KAT7: variants seen among roughly 807,000 people sequenced by gnomAD.
KAT7 encodes the protein lysine acetyltransferase 7.
A neutral mutation model predicts 82.1 loss-of-function variants in KAT7; 10 were observed. The observed-to-expected ratio is 0.12, with a 90% CI of 0.08 to 0.21. The LOEUF is 0.21. KAT7 is among the 10% of genes least tolerant of loss of function. KAT7 has a pLI of 1.00. For missense variants in KAT7, 378 were observed against 760.9 expected, an observed-to-expected ratio of 0.50 and a Z score of 5.92; for synonymous variants, 250 against 262.5, an observed-to-expected ratio of 0.95 and a Z score of 0.46.
At position 49,829,396 on chromosome 17, in the gene KAT7, A is replaced by C. The variant is rs927225049; in HGVS notation, c.*1894A>C. On this transcript the variant is annotated 3_prime_UTR_variant, in exon 15 of 15. Transcript: ENST00000259021. Reference sequence around the variant, plus strand: ...ATTCTTTCACTAAGTGCCATTTTCCACTGATTTTAGGGGCAAAGGAACCAA... The same window carrying C: ...ATTCTTTCACTAAGTGCCATTTTCCCCTGATTTTAGGGGCAAAGGAACCAA... The C allele has an allele frequency of 6.6e-5, 10 of 152,264 alleles. No homozygotes were observed. The highest frequency in any genetic ancestry group is 5.2e-4 in the Admixed American group (8 of 15,292). 9.4% of individuals were successfully genotyped at this position (152,264 alleles called of 1,614,324 possible).
chr17:49,791,865 T>C, intron 1 of KAT7, 21 bp from the exon 2 acceptor site: 2 of 1,612,294 alleles, frequency 1.2e-6, no homozygotes, highest in South Asian at 2.2e-5. Context: ...TGTGCTAATA[T>C]CTGGATCTAT....
Position 49,788,807 on chromosome 17 carries a change from C to T in KAT7, c.-28C>T. On this transcript the variant is annotated 5_prime_UTR_variant, in exon 1 of 15. Transcript: ENST00000259021. ...CTGCTGCTGCCGCCGCTGCCCGAATCGGAACCGTCGGGCCGCAGCCGCCGG... is the reference window on the plus strand; with the variant it reads ...CTGCTGCTGCCGCCGCTGCCCGAATTGGAACCGTCGGGCCGCAGCCGCCGG... 1 of 1,577,398 alleles carries T rather than the reference C, an allele frequency of 6.3e-7. No individual in the cohort carries two copies. Among genetic ancestry groups the T allele is most frequent in the South Asian group, 1.1e-5 (1 of 87,434 alleles).
At chr17:49,810,079 G>A (rs1333797798) in intron 6 of KAT7, among the ~76,000 whole-genome samples, 1 of 152,062 alleles carries the variant, frequency 6.6e-6, no homozygotes, top group Non-Finnish European at 1.5e-5. Context: ...ATGTTGTCCC[G>A]GGCAGGTCAA....
chr17:49,827,520 A>T lies in KAT7; in HGVS notation c.*18A>T, dbSNP rs370023916. 6.5e-5 allele frequency: 96 copies of T among 1,466,360 alleles called. No individual in the cohort carries two copies. Among genetic ancestry groups the T allele is most frequent in the Non-Finnish European group, 8.4e-5 (88 of 1,045,914 alleles). The allele number at this position is 1,466,360 out of a possible 1,614,324, so 90.8% of individuals were successfully genotyped here. A position where few individuals can be genotyped will look rare whatever the true frequency, so the allele number is the denominator to read the frequency against. Reference sequence around the variant, plus strand: ...GCACTTAAAGTGACCTGTCATTCCGAGCCAGCGAACCCCAGCAGTAGGAAT... The same window carrying T: ...GCACTTAAAGTGACCTGTCATTCCGTGCCAGCGAACCCCAGCAGTAGGAAT... On this transcript the variant is annotated 3_prime_UTR_variant, in exon 15 of 15. Coordinates refer to ENST00000259021, the MANE Select transcript of KAT7 (RefSeq NM_007067.5).
At chr17:49,800,581 C>T (rs368713102) in intron 4 of KAT7, among the ~76,000 whole-genome samples, 5 of 152,204 alleles carry the variant, frequency 3.3e-5, no homozygotes, top group South Asian at 4.1e-4. Flanking sequence ...TTGTTACTAA[C>T]CATGCATTGC....
chr17:49,790,020 C>T (rs1347779925), intron 1 of KAT7: 1 of 152,112 alleles, frequency 6.6e-6, no homozygotes, highest in Non-Finnish European at 1.5e-5. Flanking sequence ...CAGCCGTTTT[C>T]TGTGATTCTT....
chr17:49,799,183 C>T (rs1195604267), intron 4 of KAT7, among the ~76,000 whole-genome samples: 2 of 152,146 alleles, frequency 1.3e-5, no homozygotes, highest in African/African-American at 4.8e-5. Context: ...TGTGCACCTT[C>T]AGTGAGCTGA....
rs769460075 is a variant in KAT7, at chr17:49,796,789, A to C, written c.203A>C (p.Glu68Ala). Residue 68 changes from glutamate (E) to alanine (A), a missense_variant, in exon 3 of 15, where the codon GAG becomes GCG. By Grantham distance (107) the Glu-to-Ala change is moderately radical. Around this residue, in one of 6 missense-constraint regions of KAT7, gnomAD observed 161 missense variants for 229.6 expected, o/e 0.70. Transcript: ENST00000259021. Reference protein sequence around the residue: ...PVRNLQSFGTEEPAYSTRRVT... With the variant: ...PVRNLQSFGTAEPAYSTRRVT... ...CGAAATCTGCAGTCTTTTGGCACTG[A>C]GGAGCCTGCTTACTCTACCAGAAGA... is the stretch of plus-strand genomic sequence containing the variant. 1 of 1,613,428 alleles carries C rather than the reference A, an allele frequency of 6.2e-7. No individual in the cohort carries two copies. Among genetic ancestry groups the C allele is most frequent in the East Asian group, 2.2e-5 (1 of 44,888 alleles).
At chr17:49,823,173 C>A in intron 11 of KAT7, 29 bp from the exon 12 acceptor site, 1 of 1,229,834 alleles carries the variant, frequency 8.1e-7, no homozygotes, top group Non-Finnish European at 1.2e-6. Flanking sequence ...ATCCTCATGA[C>A]GTGTTCATCT....
chr17:49,806,508 TA>T (rs1280391096), intron 5 of KAT7, among the ~76,000 whole-genome samples: 1 of 152,202 alleles, frequency 6.6e-6, no homozygotes, highest in East Asian at 1.9e-4. Context: ...ATTCTGGGAC[TA>T]AATCAAAACA....
chr17:49,820,478 C>A (rs972235871), intron 9 of KAT7, among the ~76,000 whole-genome samples: 1 of 152,080 alleles, frequency 6.6e-6, no homozygotes, highest in African/African-American at 2.4e-5. Flanking sequence ...GGGGTTTCAC[C>A]ATGTTGGCCA....
chr17:49,790,156 C>T (rs2073867243), intron 1 of KAT7, among the ~76,000 whole-genome samples: 1 of 152,110 alleles, frequency 6.6e-6, no homozygotes, highest in Admixed American at 6.5e-5. Flanking sequence ...TTTAATGTCT[C>T]CTAAAATGAC....
rs2074405295 is a variant in KAT7 at position 49,829,521 on chromosome 17, TCACCTCTA to T, written c.*2020_*2027del. On this transcript the variant is annotated 3_prime_UTR_variant, in exon 15 of 15. Transcript: ENST00000259021. Reference sequence around the variant, plus strand: ...GCTCATTCACCAGTATTGAGCAGTGTCACCTCTAATTATTGACTCTCTCGCAGGTTGAA... The same window carrying T: ...GCTCATTCACCAGTATTGAGCAGTGTATTATTGACTCTCTCGCAGGTTGAA... 2 of 152,220 alleles carry T rather than the reference TCACCTCTA, an allele frequency of 1.3e-5. No individual in the cohort carries two copies. The highest frequency in any genetic ancestry group is 2.9e-5 in the Non-Finnish European group (2 of 68,038). 9.4% of individuals were successfully genotyped at this position (152,220 alleles called of 1,614,324 possible).
Position 49,818,630 on chromosome 17 carries a change from C to T in KAT7, c.1155+619C>T, listed in dbSNP as rs990446752. Among the ~76,000 whole-genome samples the T allele has an allele frequency of 6.0e-4, 92 of 152,080 alleles. 1 individual carries two copies. Among genetic ancestry groups the T allele is most frequent in the African/African-American group, 5.6e-4 (23 of 41,398 alleles). ...TTCAAAAAAAAAGCCATTTTTCCCC[C>T]GCTCTGTTACAGAATAAGCTTTGTC... On this transcript the variant is annotated intron_variant, in intron 9 of 14. Transcript: ENST00000259021.
Position 49,821,802 on chromosome 17 carries a change from CT to C in KAT7, c.1386+13del. 6.2e-7 allele frequency: 1 copy of C among 1,613,458 alleles called. No homozygotes were observed. The highest frequency in any genetic ancestry group is 8.5e-7 in the Non-Finnish European group (1 of 1,179,702). ...GATATTTTTCTAAGGTAAGCAGGATCTGGAGATTAAGAAGCCAATGGCCAGA... is the reference window on the plus strand; with the variant it reads ...GATATTTTTCTAAGGTAAGCAGGATCGGAGATTAAGAAGCCAATGGCCAGA... On this transcript the variant is annotated intron_variant, in intron 11 of 14. Transcript: ENST00000259021.
chr17:49,817,080 T>C (rs1344884619), intron 8 of KAT7, among the ~76,000 whole-genome samples: 1 of 152,212 alleles, frequency 6.6e-6, no homozygotes, highest in Non-Finnish European at 1.5e-5. Context: ...CCATTGTGGA[T>C]ATATTTCACG....
chr17:49,794,617 G>C (rs2073931732), intron 2 of KAT7, among the ~76,000 whole-genome samples: 1 of 152,232 alleles, frequency 6.6e-6, no homozygotes, highest in Non-Finnish European at 1.5e-5. Context: ...GCTCTGATAG[G>C]AATTTACAAG....
At chr17:49,807,862 T>G (rs142587056) in intron 5 of KAT7, among the ~76,000 whole-genome samples, 1 of 152,278 alleles carries the variant, frequency 6.6e-6, no homozygotes, top group African/African-American at 2.4e-5. Flanking sequence ...AACATTCAAG[T>G]TGTTGACTGG....
At chr17:49,796,562 A>G (rs566381302) in intron 2 of KAT7, among the ~76,000 whole-genome samples, 188 bp from the exon 3 acceptor site, 2 of 152,218 alleles carry the variant, frequency 1.3e-5, no homozygotes, top group Non-Finnish European at 2.9e-5. Flanking sequence ...GCTGTACTAC[A>G]TTACATCTGT....
Sources: allele counts gnomAD v4.1 joint callset (sites outside exome capture counted in the v4.1 genomes callset), GRCh38; gene constraint gnomAD v4.1.1; regional missense constraint gnomAD v4.1.1; transcripts MANE v1.5; gene names NCBI Gene and HGNC (gene_info 2026-07-23, HGNC 2026-07-21).